ATOSA: variants seen among roughly 807,000 people sequenced by gnomAD.
ATOSA encodes atos homolog protein A.
the ATOSA span, chr15:52,584,675 T>C: frequency 2.2e-6 from 3 of 1,374,432 alleles, no homozygotes; most frequent in African/African-American, 4.4e-5. Flanking sequence ...AGAGTCACAG[T>C]TTAAAAAAAA....
the ATOSA span, among the ~76,000 whole-genome samples, chr15:52,673,293 A>G: frequency 1.3e-5 from 2 of 152,170 alleles, no homozygotes; most frequent in Non-Finnish European, 2.9e-5. Flanking sequence ...ACCTGTTTGG[A>G]GTTTTCCTCA....
chr15:52,609,670 T>C, the ATOSA span: 13 of 1,613,706 alleles, frequency 8.1e-6, no homozygotes, highest in Non-Finnish European at 1.1e-5. Context: ...CACGTTCTCA[T>C]TTTCTTGTGA....
chr15:52,640,812 T>TA, the ATOSA span, among the ~76,000 whole-genome samples: 1 of 152,034 alleles, frequency 6.6e-6, no homozygotes, highest in African/African-American at 2.4e-5. Flanking sequence ...ACTTATGGGG[T>TA]AACAGTGTGA....
At chr15:52,656,245 T>C in the ATOSA span, 9 of 152,030 alleles carry the variant, frequency 5.9e-5, no homozygotes, top group Admixed American at 4.6e-4. Context: ...TTGTGGAAAA[T>C]ACAGAAATTT....
chr15:52,600,693 C>A, the ATOSA span, among the ~76,000 whole-genome samples: 19 of 151,870 alleles, frequency 1.3e-4, no homozygotes, highest in African/African-American at 4.6e-4. Context: ...CTATATCAAT[C>A]TTATTTTCAG....
At chr15:52,663,486 T>G in the ATOSA span, among the ~76,000 whole-genome samples, 1 of 152,166 alleles carries the variant, frequency 6.6e-6, no homozygotes, top group African/African-American at 2.4e-5. Flanking sequence ...TACTACTGAA[T>G]GAAAAGAAAA....
At chr15:52,613,491 C>T in the ATOSA span, among the ~76,000 whole-genome samples, 1 of 152,198 alleles carries the variant, frequency 6.6e-6, no homozygotes, top group Non-Finnish European at 1.5e-5. Flanking sequence ...GCAATGCCTT[C>T]AAGAGCCTCA....
chr15:52,604,431 C>CA, the ATOSA span, among the ~76,000 whole-genome samples: 6 of 152,134 alleles, frequency 3.9e-5, no homozygotes. Flanking sequence ...TACTAAAAAA[C>CA]ACATACAACT....
chr15:52,671,222 A>T, the ATOSA span, among the ~76,000 whole-genome samples: 1 of 152,186 alleles, frequency 6.6e-6, no homozygotes, highest in Admixed American at 6.5e-5. Flanking sequence ...TGATTAATTA[A>T]GAAATATAAC....
the ATOSA span, among the ~76,000 whole-genome samples, chr15:52,634,604 CTTTT>C: frequency 5.5e-5 from 6 of 109,664 alleles, no homozygotes; most frequent in Admixed American, 9.4e-5. Flanking sequence ...TTTTTCTTTT[CTTTT>C]TTTTTTTTTT....
the ATOSA span, among the ~76,000 whole-genome samples, chr15:52,619,742 G>C: frequency 6.6e-6 from 1 of 151,792 alleles, no homozygotes; most frequent in African/African-American, 2.4e-5. Flanking sequence ...TGAGATGGGA[G>C]ATCACTTGAA....
the ATOSA span, among the ~76,000 whole-genome samples, chr15:52,630,687 C>T: frequency 1.3e-5 from 2 of 152,024 alleles, no homozygotes; most frequent in African/African-American, 4.8e-5. Context: ...AGGTAAATAA[C>T]CTAGAGAAAA....
chr15:52,674,768 T>C, the ATOSA span, among the ~76,000 whole-genome samples: 12 of 151,866 alleles, frequency 7.9e-5, no homozygotes, highest in African/African-American at 2.9e-4. Flanking sequence ...CTTTGTTGAG[T>C]ATATCTTGTA....
the ATOSA span, among the ~76,000 whole-genome samples, chr15:52,697,999 CAG>C: frequency 0.018 from 1,479 of 82,504 alleles, 39 homozygotes; most frequent in African/African-American, 0.064. Flanking sequence ...TTTTGTGAGA[CAG>C]AGTCTGGCTG....
chr15:52,601,621 T>C, the ATOSA span, among the ~76,000 whole-genome samples: 1 of 151,972 alleles, frequency 6.6e-6, no homozygotes, highest in Admixed American at 6.6e-5. Flanking sequence ...TACTGCAACA[T>C]TTCCAAGCAT....
At chr15:52,632,281 C>T in the ATOSA span, among the ~76,000 whole-genome samples, 8 of 152,098 alleles carry the variant, frequency 5.3e-5, no homozygotes, top group Non-Finnish European at 8.8e-5. Context: ...TGATCTATTG[C>T]TTGAGAACCA....
chr15:52,593,931 T>G, the ATOSA span, among the ~76,000 whole-genome samples: 1 of 152,236 alleles, frequency 6.6e-6, no homozygotes, highest in Non-Finnish European at 1.5e-5. Context: ...TGACTTGAAG[T>G]CAACTGCATC....
the ATOSA span, among the ~76,000 whole-genome samples, chr15:52,693,680 T>A: frequency 6.6e-6 from 1 of 152,246 alleles, no homozygotes; most frequent in Admixed American, 6.5e-5. Flanking sequence ...ATATTGTCGG[T>A]CCTTCCTCAA....
chr15:52,704,755 A>C, the ATOSA span, among the ~76,000 whole-genome samples: 1 of 152,116 alleles, frequency 6.6e-6, no homozygotes, highest in Non-Finnish European at 1.5e-5. Flanking sequence ...CATATGAAAA[A>C]ATGGTCATCA....
Sources: allele counts gnomAD v4.1 joint callset (sites outside exome capture counted in the v4.1 genomes callset), GRCh38; gene constraint gnomAD v4.1.1; transcripts MANE v1.5; gene names NCBI Gene and HGNC (gene_info 2026-07-23, HGNC 2026-07-21).